Variants in CSMD1 observed in about 807,000 individuals in gnomAD.
CSMD1 encodes CUB and Sushi multiple domains 1.
Under a neutral mutation model 417.5 loss-of-function variants are expected in CSMD1, and 213 were observed. The ratio of observed to expected loss-of-function variants is 0.51; its 90% CI spans 0.46 to 0.57. The LOEUF is 0.57. Ranked by LOEUF, CSMD1 falls within the 20% of genes least tolerant of loss-of-function variation. The pLI, the probability that CSMD1 is intolerant of heterozygous loss-of-function variation, is 0.00. For synonymous variants in CSMD1, 2,862 were observed against 1,736.8 expected, an observed-to-expected ratio of 1.65 and a Z score of -16.11; for missense variants, 6,923 against 4,529.7, an observed-to-expected ratio of 1.53 and a Z score of -15.17.
intron 2 of CSMD1, among the ~76,000 whole-genome samples, chr8:4,509,615 T>A (rs1362561570): frequency 6.6e-6 from 1 of 152,156 alleles, no homozygotes; most frequent in Non-Finnish European, 1.5e-5. Flanking sequence ...CAAGTCACCC[T>A]GCAGACCATT....
intron 8 of CSMD1, among the ~76,000 whole-genome samples, chr8:3,588,691 C>T (rs1800708606): frequency 6.6e-6 from 1 of 151,934 alleles, no homozygotes; most frequent in South Asian, 2.1e-4. Flanking sequence ...AAGCCTAAAC[C>T]CCCAAAGCGC....
At chr8:4,683,603 T>A (rs190251527) in intron 1 of CSMD1, among the ~76,000 whole-genome samples, 2 of 152,170 alleles carry the variant, frequency 1.3e-5, no homozygotes, top group African/African-American at 4.8e-5. Flanking sequence ...AAACCTTTCA[T>A]CAGACAGTTG....
At chr8:4,749,371 G>A (rs576239478) in intron 1 of CSMD1, among the ~76,000 whole-genome samples, 1 of 152,224 alleles carries the variant, frequency 6.6e-6, no homozygotes, top group African/African-American at 2.4e-5. Context: ...CAGCATAGTT[G>A]CTAAGCGGTC....
intron 11 of CSMD1, among the ~76,000 whole-genome samples, chr8:3,491,598 T>G (rs1818385148): frequency 6.6e-6 from 1 of 152,170 alleles, no homozygotes; most frequent in African/African-American, 2.4e-5. Context: ...ATGTCCAAGA[T>G]TCGACGAATG....
In CSMD1 at chr8:4,480,029, C is replaced by T. The variant is rs77533505; in HGVS notation, c.303-59964G>A. Among the ~76,000 whole-genome samples the T allele has an allele frequency of 1.6e-3, 246 of 151,398 alleles. 4 individuals are homozygous for T. The highest frequency in any genetic ancestry group is 5.6e-3 in the African/African-American group (230 of 41,286). On this transcript the variant is annotated intron_variant, in intron 2 of 69. Transcript: ENST00000635120. ...AACTGGATAAAGCAAACATACTTAT[C>T]CTATCATTCTCCCTGGAGAATGTGG...
intron 2 of CSMD1, among the ~76,000 whole-genome samples, chr8:4,589,419 A>T (rs762283421): frequency 6.6e-6 from 1 of 152,144 alleles, no homozygotes; most frequent in South Asian, 2.1e-4. Flanking sequence ...GGAATAGACT[A>T]TTTCTTTTTT....
At chr8:3,428,743 T>C (rs1156889969) in intron 12 of CSMD1, among the ~76,000 whole-genome samples, 1 of 152,130 alleles carries the variant, frequency 6.6e-6, no homozygotes, top group African/African-American at 2.4e-5. Context: ...ATGGAAGAGA[T>C]AGCTGCACTC....
intron 2 of CSMD1, among the ~76,000 whole-genome samples, chr8:4,497,887 TG>T (rs1428397676): frequency 1.3e-5 from 2 of 152,156 alleles, no homozygotes; most frequent in African/African-American, 4.8e-5. Flanking sequence ...GGCATCCTGT[TG>T]GCGTTTGAAT....
rs562735854 is a variant in CSMD1, at chr8:4,042,445, A to G, written c.416-10346T>C. On this transcript the variant is annotated intron_variant, in intron 3 of 69. Coordinates refer to ENST00000635120, the MANE Select transcript of CSMD1 (RefSeq NM_033225.6). ...CAACCATCAATCTAAATAAATTTAT[A>G]TGACAAAAATATTTTGCAATATCAC... is the stretch of plus-strand genomic sequence containing the variant. Among the ~76,000 whole-genome samples, 5 of 152,234 alleles carry G rather than the reference A, an allele frequency of 3.3e-5. No homozygotes were observed. In the South Asian group the frequency reaches 8.3e-4, roughly 25 times the overall value.
At chr8:3,437,645 T>C (rs1271807698) in intron 12 of CSMD1, among the ~76,000 whole-genome samples, 1 of 152,236 alleles carries the variant, frequency 6.6e-6, no homozygotes, top group African/African-American at 2.4e-5. Context: ...GTTGTGATTA[T>C]AATTTATTAT....
intron 2 of CSMD1, among the ~76,000 whole-genome samples, chr8:4,540,774 G>C (rs1797342839): frequency 6.6e-6 from 1 of 151,952 alleles, no homozygotes; most frequent in Admixed American, 6.6e-5. Context: ...AATCATCCCG[G>C]ACCAGTGAGG....
intron 6 of CSMD1, among the ~76,000 whole-genome samples, chr8:3,733,152 A>T (rs1375630119): frequency 1.4e-5 from 2 of 141,884 alleles, no homozygotes; most frequent in African/African-American, 5.3e-5. Context: ...TAGACTCAGT[A>T]CCAGGAGGCC....
intron 11 of CSMD1, among the ~76,000 whole-genome samples, chr8:3,483,547 A>G (rs928389820): frequency 2.0e-5 from 3 of 152,130 alleles, no homozygotes; most frequent in Non-Finnish European, 4.4e-5. Context: ...CTACTAATTT[A>G]TAAGTAACAA....
At chr8:4,503,482 T>A (rs1263822908) in intron 2 of CSMD1, among the ~76,000 whole-genome samples, 2 of 152,172 alleles carry the variant, frequency 1.3e-5, no homozygotes, top group Non-Finnish European at 2.9e-5. Flanking sequence ...TACCTATACA[T>A]ATTATTATAT....
intron 3 of CSMD1, among the ~76,000 whole-genome samples, chr8:4,415,301 A>G (rs1474827002): frequency 2.0e-5 from 3 of 152,052 alleles, no homozygotes; most frequent in Non-Finnish European, 4.4e-5. Context: ...AGCATTCTCA[A>G]AGACAGGCAT....
chr8:4,489,586 G>A (rs1801594622), intron 2 of CSMD1, among the ~76,000 whole-genome samples: 1 of 152,136 alleles, frequency 6.6e-6, no homozygotes, highest in African/African-American at 2.4e-5. Context: ...CCTGCCTTCT[G>A]GAGTCATACC....
intron 3 of CSMD1, among the ~76,000 whole-genome samples, chr8:4,184,053 A>G (rs4875303): frequency 0.24 from 36,395 of 152,160 alleles, 4,408 homozygotes; most frequent in South Asian, 0.28. Flanking sequence ...TTCTGTTATT[A>G]TCTACCCTGC....
intron 1 of CSMD1, among the ~76,000 whole-genome samples, chr8:4,953,536 T>C (rs1808887260): frequency 6.6e-6 from 1 of 152,144 alleles, no homozygotes; most frequent in Admixed American, 6.6e-5. Flanking sequence ...ACTGTGCCCT[T>C]ATAAACCTTT....
chr8:4,073,132 G>A (rs925480722), intron 3 of CSMD1, among the ~76,000 whole-genome samples: 2 of 152,070 alleles, frequency 1.3e-5, no homozygotes, highest in Non-Finnish European at 2.9e-5. Flanking sequence ...GAAATTGGCA[G>A]AACATGAAAA....
Sources: allele counts gnomAD v4.1 joint callset (sites outside exome capture counted in the v4.1 genomes callset), GRCh38; gene constraint gnomAD v4.1.1; transcripts MANE v1.5; gene names NCBI Gene and HGNC (gene_info 2026-07-23, HGNC 2026-07-21).